The following KCNU1 variants were observed in gnomAD, a reference collection of about 807,000 sequenced individuals.
KCNU1 encodes potassium calcium-activated channel subfamily U member 1.
KCNU1 carries 93 observed loss-of-function variants against 126.8 expected under a neutral mutation model. That is an observed-to-expected ratio of 0.73 (90% CI 0.62 to 0.87). The LOEUF (loss-of-function observed/expected upper bound fraction) is 0.87. Among genes scored for constraint, KCNU1 ranks in the 40% least tolerant of loss-of-function variants. KCNU1 has a pLI of 0.00. For synonymous variants in KCNU1, 523 were observed against 494.2 expected, an observed-to-expected ratio of 1.06 and a Z score of -0.77; for missense variants, 1,330 against 1,367.1, an observed-to-expected ratio of 0.97 and a Z score of 0.43.
intron 19 of KCNU1, among the ~76,000 whole-genome samples, chr8:36,897,765 T>C (rs1427761159): frequency 6.6e-6 from 1 of 152,064 alleles, no homozygotes; most frequent in Non-Finnish European, 1.5e-5. Context: ...ACTAATCACA[T>C]CTTCTTGTTA....
chr8:36,876,095 T>G (rs866022279), intron 19 of KCNU1, among the ~76,000 whole-genome samples: 5 of 152,254 alleles, frequency 3.3e-5, no homozygotes, highest in Middle Eastern at 6.8e-3. Context: ...CTTGTGAGTT[T>G]AGTCTTCCAG....
intron 19 of KCNU1, among the ~76,000 whole-genome samples, chr8:36,879,269 A>G (rs1230725635): frequency 6.9e-6 from 1 of 145,984 alleles, no homozygotes; most frequent in African/African-American, 2.5e-5. Context: ...TATGAGATAT[A>G]TAAAAATATA....
chr8:36,805,287 TA>T lies in KCNU1; in HGVS notation c.468+4del. 1 of 1,556,364 alleles carries T rather than the reference TA, an allele frequency of 6.4e-7. No homozygotes were observed. Among genetic ancestry groups the T allele is most frequent in the Non-Finnish European group, 8.8e-7 (1 of 1,135,356 alleles). ...TTTAGTTTCTATTTTGGATTGAGGG[TA>T]AGTACCTATTGAAAGTGGGAGTGAA... On this transcript the variant is annotated splice_donor_region_variant and intron_variant, in intron 4 of 26. Coordinates refer to ENST00000399881, the MANE Select transcript of KCNU1 (RefSeq NM_001031836.3).
intron 2 of KCNU1, among the ~76,000 whole-genome samples, chr8:36,800,704 C>G (rs918434702): frequency 3.3e-5 from 5 of 152,204 alleles, no homozygotes; most frequent in Admixed American, 2.0e-4. Flanking sequence ...TACAGCTCTT[C>G]TCAGAATTAT....
intron 21 of KCNU1, among the ~76,000 whole-genome samples, chr8:36,910,140 G>A (rs1585550614): frequency 6.6e-6 from 1 of 152,054 alleles, no homozygotes; most frequent in Admixed American, 6.6e-5. Context: ...ACTGTGAAAT[G>A]CACCAAAGCA....
intron 12 of KCNU1, among the ~76,000 whole-genome samples, chr8:36,835,628 C>T (rs1472304749): frequency 2.0e-5 from 3 of 152,166 alleles, no homozygotes; most frequent in Non-Finnish European, 2.9e-5. Flanking sequence ...GGCTGGGCCA[C>T]TGCGCCTGGC....
chr8:36,929,562 A>G (rs1427992858), intron 24 of KCNU1, among the ~76,000 whole-genome samples: 1 of 152,140 alleles, frequency 6.6e-6, no homozygotes, highest in Non-Finnish European at 1.5e-5. Flanking sequence ...AGTAAAACCC[A>G]GTGCCCATGG....
chr8:36,869,085 T>C (rs1806010640), intron 19 of KCNU1, among the ~76,000 whole-genome samples: 1 of 152,200 alleles, frequency 6.6e-6, no homozygotes, highest in African/African-American at 2.4e-5. Flanking sequence ...TAATTAGATA[T>C]TAGAAAGAAA....
At chr8:36,796,929 T>C (rs1157440927) in intron 2 of KCNU1, among the ~76,000 whole-genome samples, 2 of 152,306 alleles carry the variant, frequency 1.3e-5, no homozygotes, top group South Asian at 2.1e-4. Context: ...TTAAATATAC[T>C]GCATAATAGA....
At chr8:36,787,713 A>G (rs1047960068) in intron 2 of KCNU1, among the ~76,000 whole-genome samples, 2 of 148,014 alleles carry the variant, frequency 1.4e-5, no homozygotes, top group African/African-American at 4.9e-5. Flanking sequence ...ATAATGTTAT[A>G]TTATTAATAA....
At chr8:36,908,996 C>T (rs1225040329) in intron 20 of KCNU1, among the ~76,000 whole-genome samples, 1 of 152,136 alleles carries the variant, frequency 6.6e-6, no homozygotes, top group Non-Finnish European at 1.5e-5. Flanking sequence ...TCAAGAAATA[C>T]TTTCTCCATT....
At chr8:36,855,059 G>A (rs1211284107) in intron 18 of KCNU1, among the ~76,000 whole-genome samples, 1 of 152,080 alleles carries the variant, frequency 6.6e-6, no homozygotes, top group Non-Finnish European at 1.5e-5. Context: ...GTTGACAACT[G>A]TGTTTAGCCT....
intron 14 of KCNU1, among the ~76,000 whole-genome samples, chr8:36,838,021 C>A (rs1196238924): frequency 6.6e-6 from 1 of 152,174 alleles, no homozygotes; most frequent in Non-Finnish European, 1.5e-5. Flanking sequence ...CCAGCTATAT[C>A]CTAACTGCAA....
chr8:36,790,722 G>C (rs1029721237), intron 2 of KCNU1, among the ~76,000 whole-genome samples: 1 of 151,914 alleles, frequency 6.6e-6, no homozygotes, highest in Admixed American at 6.6e-5. Flanking sequence ...TTGCCCCTTC[G>C]ATGAGAGACT....
intron 24 of KCNU1, among the ~76,000 whole-genome samples, chr8:36,926,865 G>A (rs1194622204): frequency 6.6e-6 from 1 of 152,084 alleles, no homozygotes; most frequent in Non-Finnish European, 1.5e-5. Context: ...GAAGGTCAAG[G>A]CTAAGAGCAG....
chr8:36,805,476 G>A (rs912384990), intron 4 of KCNU1, among the ~76,000 whole-genome samples, 191 bp downstream of exon 4: 9 of 152,136 alleles, frequency 5.9e-5, no homozygotes, highest in African/African-American at 1.7e-4. Flanking sequence ...GCTAAACCAG[G>A]TTAAAAGTTC....
intron 6 of KCNU1, among the ~76,000 whole-genome samples, 180 bp from the exon 7 acceptor site, chr8:36,808,538 C>A (rs942040669): frequency 6.6e-6 from 1 of 152,010 alleles, no homozygotes; most frequent in Non-Finnish European, 1.5e-5. Context: ...AATCTTGTAC[C>A]AATGCAGATT....
At chr8:36,885,594 A>G (rs1306242932) in intron 19 of KCNU1, among the ~76,000 whole-genome samples, 2 of 151,990 alleles carry the variant, frequency 1.3e-5, no homozygotes, top group East Asian at 3.9e-4. Flanking sequence ...GGAGTTCGAG[A>G]CCAGCCTGGC....
chr8:36,935,795 C>CA lies in KCNU1; in HGVS notation c.3326dup (p.Ser1110GlufsTer2). 6.2e-7 allele frequency: 1 copy of CA among 1,613,290 alleles called. No homozygotes were observed. The highest frequency in any genetic ancestry group is 8.5e-7 in the Non-Finnish European group (1 of 1,179,448). ...TTTTCCTAAGCAAATAGCATGGAAT[C>CA]AGAGTAGAACAAACAGTATTATATC... is the stretch of plus-strand genomic sequence containing the variant. On this transcript the variant is annotated frameshift_variant, in exon 27 of 27. Coordinates refer to ENST00000399881, the MANE Select transcript of KCNU1 (RefSeq NM_001031836.3). LOFTEE classifies it low-confidence loss of function (END_TRUNC).
Sources: gnomAD v4.1 joint callset for allele counts (sites outside exome capture counted in the v4.1 genomes callset) on GRCh38, gnomAD v4.1.1 for gene constraint, MANE v1.5 for transcripts, NCBI Gene and HGNC (gene_info 2026-07-23, HGNC 2026-07-21) for gene names.